Variants in ST3GAL2 observed in about 807,000 individuals in gnomAD.
ST3GAL2 encodes ST3 beta-galactoside alpha-2,3-sialyltransferase 2.
In ST3GAL2, 16 loss-of-function variants were observed where a neutral mutation model predicts 37.5. That is an observed-to-expected ratio of 0.43 (90% CI 0.29 to 0.65). The LOEUF is 0.65. Among genes scored for constraint, ST3GAL2 ranks in the 30% least tolerant of loss-of-function variants. The pLI is 0.17. For missense variants in ST3GAL2, 383 were observed against 487.8 expected (o/e 0.79, Z 2.02); for synonymous variants, 238 against 202.9 (o/e 1.17, Z -1.47).
chr16:70,388,591 C>T (rs767668933), intron 3 of ST3GAL2, 45 bp from the exon 4 acceptor site: 1 of 1,527,672 alleles, frequency 6.5e-7, no homozygotes, highest in Non-Finnish European at 8.8e-7. Context: ...GCCATGGAAA[C>T]TGATACAAGA....
chr16:70,408,136 TTAGTA>T (rs1278797049), intron 1 of ST3GAL2, among the ~76,000 whole-genome samples: 1 of 151,962 alleles, frequency 6.6e-6, no homozygotes, highest in African/African-American at 2.4e-5. Flanking sequence ...AGCCTCTCAT[TTAGTA>T]TGCGCAGGAG....
intron 1 of ST3GAL2, among the ~76,000 whole-genome samples, chr16:70,408,543 A>G (rs2047609902): frequency 6.6e-6 from 1 of 151,994 alleles, no homozygotes; most frequent in Non-Finnish European, 1.5e-5. Context: ...AGTCACCCGC[A>G]CTGCAACACC....
At position 70,421,021 on chromosome 16, in the gene ST3GAL2, G is replaced by T. The variant is rs1223306171; in HGVS notation, c.-1004+17928C>A. On this transcript the variant is annotated intron_variant, in intron 1 of 6. Transcript: ENST00000342907. ...CCCACGGCCAGCCTGGTGCCATCTG[G>T]TAACTTCCAGCACCAACCCTGCAGG... 2.6e-5 allele frequency among the ~76,000 whole-genome samples: 4 copies of T among 152,222 alleles called. No individual in the cohort carries two copies. The East Asian group carries it at 5.8e-4, about 22-fold the overall frequency.
chr16:70,402,008 A>AGAAAG (rs2047559123), intron 1 of ST3GAL2, among the ~76,000 whole-genome samples: 1 of 150,264 alleles, frequency 6.7e-6, no homozygotes, highest in African/African-American at 2.4e-5. Flanking sequence ...AAAAAAAAAA[A>AGAAAG]AAAAAAAAAG....
intron 2 of ST3GAL2, 129 bp downstream of exon 2, chr16:70,398,063 T>C (rs1248169712): frequency 5.2e-6 from 5 of 957,988 alleles, no homozygotes; most frequent in South Asian, 3.3e-5. Flanking sequence ...TTCAGTAATC[T>C]GTGATCCTAT....
At chr16:70,399,761 A>T in intron 1 of ST3GAL2, 1 of 261,698 alleles carries the variant, frequency 3.8e-6, no homozygotes, top group Non-Finnish European at 7.2e-6. Context: ...CTTAGCCAGA[A>T]GGTAAACGAG....
intron 2 of ST3GAL2, among the ~76,000 whole-genome samples, chr16:70,395,839 G>A (rs1391462037): frequency 6.6e-6 from 1 of 152,228 alleles, no homozygotes; most frequent in Admixed American, 6.5e-5. Context: ...ACAGATCTGA[G>A]CCCCGGCAAA....
rs780779577 is a variant in ST3GAL2 at position 70,395,066 on chromosome 16, C to T, written c.449G>A (p.Arg150Gln). Reference sequence around the variant, plus strand: ...CGAGTTCCCCACCACGGCACAGCGCCGGCACTGGTGGGGGTCCCGGAAGCG... The same window carrying T: ...CGAGTTCCCCACCACGGCACAGCGCTGGCACTGGTGGGGGTCCCGGAAGCG... ...PYRFRDPHQC[R>Q]RCAVVGNSGN... The change falls in exon 3 of 7, where the codon CGG becomes CAG. Residue 150 changes from arginine (R) to glutamine (Q), a missense_variant. Arg to Gln is a conservative substitution (Grantham distance 43). This residue lies in a region of ST3GAL2 where 223 missense variants were observed against 239.1 expected (regional missense o/e 0.93). Coordinates refer to ENST00000342907, the MANE Select transcript of ST3GAL2 (RefSeq NM_006927.4). 6.8e-6 allele frequency: 11 copies of T among 1,613,850 alleles called. No homozygotes were observed. Among genetic ancestry groups the T allele is most frequent in the Middle Eastern group, 1.6e-4 (1 of 6,082 alleles).
Position 70,399,187 on chromosome 16 carries a change from A to G in ST3GAL2, c.-657T>C, listed in dbSNP as rs893543165. On this transcript the variant is annotated 5_prime_UTR_variant, in exon 2 of 7. Transcript: ENST00000342907. ...CTGCAGAGATCGAGATCCTTTCCGCAGTAGGTCTTGCCCTTCTGCTTCCCA... is the reference window on the plus strand; with the variant it reads ...CTGCAGAGATCGAGATCCTTTCCGCGGTAGGTCTTGCCCTTCTGCTTCCCA... 2.5e-6 allele frequency: 1 copy of G among 398,800 alleles called. No homozygotes were observed. Among genetic ancestry groups the G allele is most frequent in the South Asian group, 1.3e-4 (1 of 7,872 alleles). 24.7% of individuals were successfully genotyped at this position (398,800 alleles called of 1,614,324 possible). A position where few individuals can be genotyped will look rare whatever the true frequency, so the allele number is the denominator to read the frequency against.
intron 1 of ST3GAL2, among the ~76,000 whole-genome samples, chr16:70,413,292 T>C (rs2047651998): frequency 6.7e-6 from 1 of 149,808 alleles, no homozygotes; most frequent in South Asian, 2.1e-4. Flanking sequence ...GGCAAGTGCC[T>C]ACAGCCCTAG....
At position 70,381,880 on chromosome 16, in the gene ST3GAL2, G is replaced by A. The variant is rs563246216; in HGVS notation, c.880-18C>T. On this transcript the variant is annotated intron_variant, in intron 6 of 6. Coordinates refer to ENST00000342907, the MANE Select transcript of ST3GAL2 (RefSeq NM_006927.4). ...ACGTTCACCTGCGGGGAAGCGCAGC[G>A]GAGCGTCACCCCAGGCGGGGACCTG... 9.9e-6 allele frequency: 16 copies of A among 1,612,036 alleles called. No homozygotes were observed. The Admixed American group carries it at 1.7e-4, about 17-fold the overall frequency.
intron 1 of ST3GAL2, among the ~76,000 whole-genome samples, chr16:70,429,717 C>T (rs1288925508): frequency 7.0e-6 from 1 of 143,476 alleles, no homozygotes; most frequent in African/African-American, 2.6e-5. Flanking sequence ...TCACGGCTCA[C>T]TGTAACCTCC....
At chr16:70,407,693 A>G (rs976586211) in intron 1 of ST3GAL2, among the ~76,000 whole-genome samples, 1 of 152,194 alleles carries the variant, frequency 6.6e-6, no homozygotes, top group Non-Finnish European at 1.5e-5. Flanking sequence ...ACCAGCACGC[A>G]GGTAAATGGA....
Position 70,381,776 on chromosome 16 carries a change from C to A in ST3GAL2, c.966G>T (p.Lys322Asn). 6.2e-7 allele frequency: 1 copy of A among 1,614,108 alleles called. No individual in the cohort carries two copies. The highest frequency in any genetic ancestry group is 8.5e-7 in the Non-Finnish European group (1 of 1,179,958). Residue 322 changes from lysine (K) to asparagine (N), a missense_variant, in exon 7 of 7, where the codon AAG becomes AAT. Lys to Asn is a moderately conservative substitution (Grantham distance 94, BLOSUM62 0). Coordinates refer to ENST00000342907, the MANE Select transcript of ST3GAL2 (RefSeq NM_006927.4). ...ENNRYAGEFR[K>N]TGVHDADFEA... ...CGAAGTCCGCGTCGTGCACGCCAGTCTTCCGGAACTCGCCCGCGTACCGGT... is the reference window on the plus strand; with the variant it reads ...CGAAGTCCGCGTCGTGCACGCCAGTATTCCGGAACTCGCCCGCGTACCGGT...
intron 1 of ST3GAL2, among the ~76,000 whole-genome samples, chr16:70,404,394 C>G (rs1165069101): frequency 2.0e-5 from 3 of 152,160 alleles, no homozygotes; most frequent in Non-Finnish European, 4.4e-5. Context: ...CAGTGGTGAC[C>G]TTCACAATGA....
chr16:70,393,962 T>C (rs1261328074), intron 3 of ST3GAL2, among the ~76,000 whole-genome samples: 1 of 152,202 alleles, frequency 6.6e-6, no homozygotes, highest in Non-Finnish European at 1.5e-5. Flanking sequence ...AGGAGCTCTG[T>C]TCTTCAGGCT....
intron 1 of ST3GAL2, among the ~76,000 whole-genome samples, chr16:70,410,811 T>G (rs1285303770): frequency 6.8e-6 from 1 of 147,608 alleles, no homozygotes; most frequent in Non-Finnish European, 1.5e-5. Flanking sequence ...AGATCCTGTT[T>G]TTTTTTTTTT....
At chr16:70,410,240 C>CATTTTTTTTTTT (rs2047627628) in intron 1 of ST3GAL2, among the ~76,000 whole-genome samples, 1 of 62,664 alleles carries the variant, frequency 1.6e-5, no homozygotes, top group Non-Finnish European at 2.9e-5. Context: ...CCACCCTCAC[C>CATTTTTTTTTTT]TTTTTTTTTT....
chr16:70,418,456 T>A (rs886641429), intron 1 of ST3GAL2, among the ~76,000 whole-genome samples: 1 of 152,100 alleles, frequency 6.6e-6, no homozygotes, highest in African/African-American at 2.4e-5. Context: ...ACTGGAGGCT[T>A]TTCCCTCTGT....
Sources: allele counts gnomAD v4.1 joint callset (sites outside exome capture counted in the v4.1 genomes callset), GRCh38; gene constraint gnomAD v4.1.1; regional missense constraint gnomAD v4.1.1; transcripts MANE v1.5; gene names NCBI Gene and HGNC (gene_info 2026-07-23, HGNC 2026-07-21).